The following C16orf74 variants were observed in gnomAD, a reference collection of about 807,000 sequenced individuals.
C16orf74 encodes calcimembrin, also known as uncharacterized protein C16orf74.
In C16orf74, 10 loss-of-function variants were observed where a neutral mutation model predicts 6.5. The ratio of observed to expected loss-of-function variants is 1.54; its 90% CI spans 0.95 to 2.61. C16orf74 has a LOEUF of 2.61. Among genes scored for constraint, C16orf74 ranks in the 30% most tolerant of loss-of-function variants. The pLI, the probability that C16orf74 is intolerant of heterozygous loss-of-function variation, is 0.00. For missense variants in C16orf74, 141 were observed against 105.9 expected (o/e 1.33, Z -1.45); for synonymous variants, 60 against 42.5 (o/e 1.41, Z -1.60).
Position 85,716,627 on chromosome 16 carries a change from G to A in C16orf74, c.29-6320C>T, listed in dbSNP as rs369037227. Among the ~76,000 whole-genome samples, 244 of 149,442 alleles carry A rather than the reference G, an allele frequency of 1.6e-3. 7 individuals are homozygous for A. The South Asian group carries it at 0.051, about 31-fold the overall frequency. ...AAGACAGGGCAGGAAGAGGAAGAGA[G>A]GAGGAGGAGGGAGCAGACAAGGCAG... On this transcript the variant is annotated intron_variant, in intron 2 of 3. Transcript: ENST00000284245.
intron 3 of C16orf74, 113 bp downstream of exon 3, chr16:85,710,051 G>A (rs1387450792): frequency 5.7e-6 from 5 of 880,814 alleles, no homozygotes; most frequent in Non-Finnish European, 6.4e-6. Flanking sequence ...AACGAACCCA[G>A]TGGGAGGTGG....
intron 1 of C16orf74, among the ~76,000 whole-genome samples, chr16:85,738,572 C>T (rs914422728): frequency 3.3e-5 from 5 of 151,760 alleles, no homozygotes; most frequent in African/African-American, 1.2e-4. Context: ...CTCAAGTGAT[C>T]CACCCACCTC....
intron 2 of C16orf74, among the ~76,000 whole-genome samples, chr16:85,731,937 T>C (rs1380736287): frequency 1.3e-5 from 2 of 152,248 alleles, no homozygotes; most frequent in Non-Finnish European, 2.9e-5. Context: ...GAGATCCTCC[T>C]GCCTCAGTTT....
intron 2 of C16orf74, among the ~76,000 whole-genome samples, chr16:85,731,870 T>C (rs2054192227): frequency 6.6e-6 from 1 of 152,038 alleles, no homozygotes; most frequent in Non-Finnish European, 1.5e-5. Context: ...TTTGTATTTT[T>C]TGTAGGGATG....
intron 2 of C16orf74, among the ~76,000 whole-genome samples, chr16:85,731,804 C>G (rs999621671): frequency 2.0e-5 from 3 of 152,208 alleles, no homozygotes; most frequent in African/African-American, 7.2e-5. Flanking sequence ...CCTCCCACCT[C>G]CGCCTCCCAA....
chr16:85,719,035 G>T (rs2054052857), intron 2 of C16orf74, among the ~76,000 whole-genome samples: 1 of 152,200 alleles, frequency 6.6e-6, no homozygotes, highest in Non-Finnish European at 1.5e-5. Flanking sequence ...TTGGGAAGGA[G>T]GACATCCTCC....
intron 1 of C16orf74, among the ~76,000 whole-genome samples, chr16:85,748,019 G>C (rs180753119): frequency 2.0e-5 from 3 of 152,156 alleles, no homozygotes; most frequent in East Asian, 1.9e-4. Flanking sequence ...CTAGGAGGTA[G>C]AGGTTGCAGT....
At chr16:85,741,915 T>G (rs776950908) in intron 1 of C16orf74, among the ~76,000 whole-genome samples, 1 of 152,192 alleles carries the variant, frequency 6.6e-6, no homozygotes, top group African/African-American at 2.4e-5. Context: ...GTTTGGATAT[T>G]TGTCCCTTCC....
chr16:85,719,713 G>C (rs1341035398), intron 2 of C16orf74, among the ~76,000 whole-genome samples: 1 of 152,132 alleles, frequency 6.6e-6, no homozygotes, highest in African/African-American at 2.4e-5. Flanking sequence ...TTTCAGAAGG[G>C]GTCAATCAGA....
At chr16:85,749,209 C>T (rs565208424) in intron 1 of C16orf74, among the ~76,000 whole-genome samples, 22 of 152,116 alleles carry the variant, frequency 1.4e-4, no homozygotes, top group Non-Finnish European at 1.9e-4. Context: ...CCTGGCCTTG[C>T]CATTTTCCAG....
At chr16:85,738,326 A>T (rs1598803898) in intron 1 of C16orf74, among the ~76,000 whole-genome samples, 2 of 135,688 alleles carry the variant, frequency 1.5e-5, no homozygotes, top group Admixed American at 7.4e-5. Flanking sequence ...TGGCATTGGG[A>T]TTTTTTTTTT....
chr16:85,710,157 G>A lies in C16orf74; in HGVS notation c.172+7C>T, dbSNP rs751878722. On this transcript the variant is annotated splice_region_variant and intron_variant, in intron 3 of 3. Coordinates refer to ENST00000284245, the MANE Select transcript of C16orf74 (RefSeq NM_206967.3). ...ACCCGGCTTGGCGGTGGAGGGGACGGCCTCACCTGTGCTCCCCAAGTCCCT... is the reference window on the plus strand; with the variant it reads ...ACCCGGCTTGGCGGTGGAGGGGACGACCTCACCTGTGCTCCCCAAGTCCCT... 1 of 1,427,580 alleles carries A rather than the reference G, an allele frequency of 7.0e-7. No individual in the cohort carries two copies. The highest frequency in any genetic ancestry group is 9.1e-7 in the Non-Finnish European group (1 of 1,095,644). 88.4% of individuals were successfully genotyped at this position (1,427,580 alleles called of 1,614,324 possible).
At chr16:85,719,827 G>C (rs2054062034) in intron 2 of C16orf74, among the ~76,000 whole-genome samples, 1 of 150,218 alleles carries the variant, frequency 6.7e-6, no homozygotes, top group South Asian at 2.1e-4. Flanking sequence ...CCTGAGGCAG[G>C]AACATAGGGG....
chr16:85,710,351 G>A, intron 2 of C16orf74, 44 bp from the exon 3 acceptor site: 2 of 1,436,796 alleles, frequency 1.4e-6, no homozygotes, highest in East Asian at 3.0e-5. Context: ...ACACACGACA[G>A]AGAGACAGGC....
intron 2 of C16orf74, among the ~76,000 whole-genome samples, chr16:85,719,014 T>C (rs1253035908): frequency 6.6e-6 from 1 of 152,244 alleles, no homozygotes; most frequent in South Asian, 2.1e-4. Flanking sequence ...TCTATGGGAA[T>C]GGCCAGGGGC....
intron 2 of C16orf74, among the ~76,000 whole-genome samples, chr16:85,730,529 AC>A (rs2152062786): frequency 8.0e-6 from 1 of 124,486 alleles, no homozygotes; most frequent in South Asian, 3.1e-4. Context: ...AGCCGAGGGA[AC>A]CCCCAGACCA....
chr16:85,748,318 G>T (rs918012090), intron 1 of C16orf74, among the ~76,000 whole-genome samples: 3 of 151,942 alleles, frequency 2.0e-5, no homozygotes, highest in African/African-American at 7.3e-5. Flanking sequence ...TTATTATCTG[G>T]GCTGGGTGCA....
chr16:85,726,852 G>T (rs1484756969), intron 2 of C16orf74, among the ~76,000 whole-genome samples: 2 of 152,144 alleles, frequency 1.3e-5, no homozygotes, highest in Non-Finnish European at 2.9e-5. Flanking sequence ...ATGCACGCCA[G>T]GCTGCTGCTT....
At chr16:85,746,524 C>T (rs1175147243) in intron 1 of C16orf74, among the ~76,000 whole-genome samples, 2 of 152,170 alleles carry the variant, frequency 1.3e-5, no homozygotes, top group South Asian at 4.1e-4. Flanking sequence ...TCCTGCAGAG[C>T]CACCTCCCAG....
Sources: gnomAD v4.1 joint callset for allele counts (sites outside exome capture counted in the v4.1 genomes callset) on GRCh38, gnomAD v4.1.1 for gene constraint, MANE v1.5 for transcripts, NCBI Gene and HGNC (gene_info 2026-07-23, HGNC 2026-07-21) for gene names.